Variants in C19orf47 observed in about 807,000 individuals in gnomAD.
C19orf47 encodes uncharacterized protein C19orf47.
Under a neutral mutation model 32.3 loss-of-function variants are expected in C19orf47, and 18 were observed. That is an observed-to-expected ratio of 0.56 (90% CI 0.39 to 0.83). C19orf47 has a LOEUF of 0.83. Ranked by LOEUF, C19orf47 falls within the 40% of genes least tolerant of loss-of-function variation. The pLI is 0.00. For synonymous variants in C19orf47, 202 were observed against 211.1 expected, an observed-to-expected ratio of 0.96 and a Z score of 0.37; for missense variants, 484 against 531.6, an observed-to-expected ratio of 0.91 and a Z score of 0.88.
In C19orf47 at chr19:40,324,012, C is replaced by T. The variant is rs758717726; in HGVS notation, c.657G>A (p.Gly219=). Residue 219 remains glycine, a synonymous_variant, in exon 8 of 9, where the codon GGG becomes GGA. Coordinates refer to ENST00000683109, the MANE Select transcript of C19orf47 (RefSeq NM_001256441.2). ...GAETKADTTT[G]SKPTGVFSRL... ...CTCCCCCATCCCCACTCACTTTACTCCCTGTCGTGGTGTCTGCCTTGGTCT... is the reference window on the plus strand; with the variant it reads ...CTCCCCCATCCCCACTCACTTTACTTCCTGTCGTGGTGTCTGCCTTGGTCT... 1 of 1,614,262 alleles carries T rather than the reference C, an allele frequency of 6.2e-7. No homozygotes were observed. Among genetic ancestry groups the T allele is most frequent in the Non-Finnish European group, 8.5e-7 (1 of 1,180,038 alleles).
At chr19:40,348,207 G>T in intron 1 of C19orf47, 117 bp downstream of exon 1, 1 of 643,478 alleles carries the variant, frequency 1.6e-6, no homozygotes, top group Non-Finnish European at 2.3e-6. Flanking sequence ...GAGGCTCAAA[G>T]AAACAAATCG....
chr19:40,347,493 T>C (rs1405727193), intron 1 of C19orf47, among the ~76,000 whole-genome samples: 3 of 151,162 alleles, frequency 2.0e-5, no homozygotes, highest in Non-Finnish European at 4.4e-5. Flanking sequence ...AATTGCACCA[T>C]TGCACTCCAG....
At chr19:40,344,886 A>G (rs537457380) in intron 1 of C19orf47, among the ~76,000 whole-genome samples, 120 of 152,286 alleles carry the variant, frequency 7.9e-4, no homozygotes, top group Admixed American at 3.1e-3. Flanking sequence ...TGGCAGGTCC[A>G]AGATCACACA....
the C19orf47 span, among the ~76,000 whole-genome samples, chr19:40,298,512 A>G: frequency 6.6e-6 from 1 of 152,224 alleles, no homozygotes; most frequent in African/African-American, 2.4e-5. Flanking sequence ...ATAGAAAGAA[A>G]TAATATATTT....
intron 2 of C19orf47, among the ~76,000 whole-genome samples, chr19:40,339,986 A>C (rs1197401526): frequency 6.6e-6 from 1 of 151,760 alleles, no homozygotes; most frequent in Admixed American, 6.6e-5. Context: ...AAAACAAAAA[A>C]AAAAAAAAAC....
At chr19:40,347,990 C>A (rs768794689) in intron 1 of C19orf47, among the ~76,000 whole-genome samples, 1 of 152,072 alleles carries the variant, frequency 6.6e-6, no homozygotes, top group Admixed American at 6.6e-5. Flanking sequence ...GGGACTTGAA[C>A]CAAAATTCGA....
chr19:40,325,076 C>T lies in C19orf47; in HGVS notation c.593-1000G>A, dbSNP rs1281112777. Among the ~76,000 whole-genome samples the T allele has an allele frequency of 6.6e-5, 10 of 151,866 alleles. 1 individual carries two copies. The South Asian group carries it at 2.1e-3, about 32-fold the overall frequency. On this transcript the variant is annotated intron_variant, in intron 7 of 8. Coordinates refer to ENST00000683109, the MANE Select transcript of C19orf47 (RefSeq NM_001256441.2). ...CCCGAGGTCAGGAGTTTGAGACCAG[C>T]CTGGCCAACATGATGAAACCCCGTC...
rs750438538 is a variant in C19orf47, at chr19:40,328,510, A to C, written c.342T>G (p.Ser114=). Residue 114 remains serine (S), a synonymous_variant, in exon 6 of 9, where the codon TCT becomes TCG. Coordinates refer to ENST00000683109, the MANE Select transcript of C19orf47 (RefSeq NM_001256441.2). ...GGCGCCTGGGGGGTGTGCTGGGTGGAGAGTCATGGTTCAGGCTGTTGGTGA... is the reference window on the plus strand; with the variant it reads ...GGCGCCTGGGGGGTGTGCTGGGTGGCGAGTCATGGTTCAGGCTGTTGGTGA... ...RMITNSLNHD[S]PPSTPPRRPD... 1.3e-5 allele frequency: 21 copies of C among 1,610,794 alleles called. 1 individual carries two copies. The highest frequency in any genetic ancestry group is 1.7e-4 in the Middle Eastern group (1 of 6,060).
chr19:40,323,966 C>G, intron 8 of C19orf47, 40 bp downstream of exon 8: 1 of 1,611,794 alleles, frequency 6.2e-7, no homozygotes, highest in Non-Finnish European at 8.5e-7. Flanking sequence ...GGGAAGACAA[C>G]AGCTCGCACG....
chr19:40,337,461 G>T (rs1381127656), intron 2 of C19orf47, among the ~76,000 whole-genome samples: 2 of 151,684 alleles, frequency 1.3e-5, no homozygotes, highest in Admixed American at 1.3e-4. Flanking sequence ...GCCAGGCCAG[G>T]TGATAGCTAA....
the C19orf47 span, among the ~76,000 whole-genome samples, chr19:40,304,450 A>G: frequency 6.6e-6 from 1 of 152,160 alleles, no homozygotes; most frequent in Non-Finnish European, 1.5e-5. Flanking sequence ...ACAGGAGATG[A>G]GACTGGAGGT....
In C19orf47 at chr19:40,345,121, T is replaced by C. The variant is rs140775206; in HGVS notation, c.-34+3203A>G. Among the ~76,000 whole-genome samples the C allele has an allele frequency of 1.2e-3, 184 of 152,306 alleles. 1 individual carries two copies. Among genetic ancestry groups the C allele is most frequent in the South Asian group, 9.3e-3 (45 of 4,824 alleles). On this transcript the variant is annotated intron_variant, in intron 1 of 8. Coordinates refer to ENST00000683109, the MANE Select transcript of C19orf47 (RefSeq NM_001256441.2). Reference sequence around the variant, plus strand: ...TCAGTTAATGCTAACCAGAATCCTTTAAGTACTGGTATTCTCCCCCAAGTG... The same window carrying C: ...TCAGTTAATGCTAACCAGAATCCTTCAAGTACTGGTATTCTCCCCCAAGTG...
In C19orf47 at chr19:40,336,109, C is replaced by T. The variant is rs2078060048; in HGVS notation, c.222+1G>A. 1 of 1,613,996 alleles carries T rather than the reference C, an allele frequency of 6.2e-7. No individual in the cohort carries two copies. The highest frequency in any genetic ancestry group is 8.5e-7 in the Non-Finnish European group (1 of 1,179,878). On this transcript the variant is annotated splice_donor_variant, in intron 4 of 8. Transcript: ENST00000683109. LOFTEE classifies it high-confidence loss of function. ...ACAGAGGGGCTGGGCACAGCACCCA[C>T]CTGACGGTGCACCACTTTGGCATGC...
intron 1 of C19orf47, among the ~76,000 whole-genome samples, chr19:40,345,976 G>A (rs963982072): frequency 7.9e-5 from 12 of 151,820 alleles, no homozygotes; most frequent in Non-Finnish European, 1.5e-4. Context: ...CCAACATGGC[G>A]AAACTCCGCC....
At chr19:40,341,683 A>G (rs1392630860) in intron 2 of C19orf47, 156 bp downstream of exon 2, 20 of 1,050,634 alleles carry the variant, frequency 1.9e-5, no homozygotes, top group Non-Finnish European at 2.7e-5. Flanking sequence ...GCAGGCCTCA[A>G]GCAGTTCCAG....
At position 40,321,338 on chromosome 19, in the gene C19orf47, C is replaced by T. The variant is rs557550844; in HGVS notation, c.*544G>A. ...TACAGGAGGGTCGGGCAGGACGCAG[C>T]GGACAGTCGGGCCTTGCCACGGGGA... is the stretch of plus-strand genomic sequence containing the variant. On this transcript the variant is annotated 3_prime_UTR_variant, in exon 9 of 9. Coordinates refer to ENST00000683109, the MANE Select transcript of C19orf47 (RefSeq NM_001256441.2). The T allele has an allele frequency of 6.1e-4, 606 of 987,534 alleles. 1 individual carries two copies. The highest frequency in any genetic ancestry group is 3.1e-3 in the Middle Eastern group (6 of 1,920). 61.2% of individuals were successfully genotyped at this position (987,534 alleles called of 1,614,324 possible). A position where few individuals can be genotyped will look rare whatever the true frequency, so the allele number is the denominator to read the frequency against.
chr19:40,316,083 G>A (rs1380058192), downstream of C19orf47, among the ~76,000 whole-genome samples: 1 of 152,090 alleles, frequency 6.6e-6, no homozygotes, highest in East Asian at 1.9e-4. Flanking sequence ...ACCCCGACAG[G>A]CCTTCAAAGT....
the C19orf47 span, among the ~76,000 whole-genome samples, chr19:40,303,517 C>CA: frequency 1.0e-3 from 98 of 98,084 alleles, no homozygotes; most frequent in East Asian, 8.3e-3. Flanking sequence ...GCGAGACTCT[C>CA]AAAAAAAAAA....
At chr19:40,308,925 C>T in the C19orf47 span, among the ~76,000 whole-genome samples, 3 of 152,042 alleles carry the variant, frequency 2.0e-5, no homozygotes, top group East Asian at 1.9e-4. Flanking sequence ...AAAAAATTAG[C>T]CGGGCATGTG....
Sources: gnomAD v4.1 joint callset for allele counts (sites outside exome capture counted in the v4.1 genomes callset) on GRCh38, gnomAD v4.1.1 for gene constraint, MANE v1.5 for transcripts, NCBI Gene and HGNC (gene_info 2026-07-23, HGNC 2026-07-21) for gene names.